CHD8: variants seen among roughly 807,000 people sequenced by gnomAD.
The protein encoded by CHD8 is chromodomain helicase DNA binding protein 8, also known as ATP-dependent chromatin remodeler CHD8.
A neutral mutation model predicts 279.2 loss-of-function variants in CHD8; 31 were observed. That is an observed-to-expected ratio of 0.11 (90% CI 0.08 to 0.15). The LOEUF (loss-of-function observed/expected upper bound fraction) is 0.15. Among genes scored for constraint, CHD8 ranks in the 10% least tolerant of loss-of-function variants. The probability of loss-of-function intolerance (pLI) is 1.00; values close to 1 mark genes in which losing one functional copy is unlikely to be tolerated. For missense variants in CHD8, 2,146 were observed against 3,230.5 expected, an observed-to-expected ratio of 0.66 and a Z score of 8.14; for synonymous variants, 1,081 against 1,139.6, an observed-to-expected ratio of 0.95 and a Z score of 1.04.
At chr14:21,409,799 A>T (rs1888408532) in intron 11 of CHD8, 52 bp downstream of exon 11, 2 of 1,528,196 alleles carry the variant, frequency 1.3e-6, no homozygotes, top group Admixed American at 2.2e-5. Flanking sequence ...TAGGGGAAAA[A>T]ATTTAATCAT....
intron 28 of CHD8, 181 bp downstream of exon 28, chr14:21,395,636 C>T (rs1887748786): frequency 6.7e-6 from 4 of 600,756 alleles, no homozygotes; most frequent in Non-Finnish European, 1.2e-5. Flanking sequence ...AAAGTTATCC[C>T]TGATCTCCCC....
intron 37 of CHD8, among the ~76,000 whole-genome samples, chr14:21,386,614 A>G (rs561324668): frequency 1.3e-5 from 2 of 151,540 alleles, no homozygotes; most frequent in East Asian, 1.9e-4. Flanking sequence ...GAGGCGGGGG[A>G]ATCACAAGGT....
At chr14:21,452,705 G>A (rs1890285575) in intron 1 of CHD8, among the ~76,000 whole-genome samples, 1 of 151,876 alleles carries the variant, frequency 6.6e-6, no homozygotes. Context: ...ACAACTGTCA[G>A]CCGGGCGCAG....
chr14:21,443,729 G>C (rs536762568), intron 1 of CHD8, among the ~76,000 whole-genome samples: 1 of 150,176 alleles, frequency 6.7e-6, no homozygotes, highest in East Asian at 2.0e-4. Context: ...GGTGGTGGGC[G>C]CCTGTATTCC....
At chr14:21,418,648 C>T (rs771599116) in intron 5 of CHD8, among the ~76,000 whole-genome samples, 132 of 152,024 alleles carry the variant, frequency 8.7e-4, no homozygotes, top group Admixed American at 1.4e-3. Context: ...ACCCCGTCTC[C>T]ACTAAAAATA....
intron 1 of CHD8, among the ~76,000 whole-genome samples, chr14:21,442,441 G>A (rs933693312): frequency 1.3e-5 from 2 of 151,586 alleles, no homozygotes; most frequent in African/African-American, 4.9e-5. Context: ...CTTTAGCCTG[G>A]GCAATAGAGT....
intron 27 of CHD8, chr14:21,397,530 G>C (rs1221474043): frequency 5.2e-6 from 2 of 383,850 alleles, no homozygotes; most frequent in Non-Finnish European, 1.0e-5. Context: ...TATCTTTCAA[G>C]AGACCAGTTA....
chr14:21,454,179 A>C (rs1890326740), intron 1 of CHD8, among the ~76,000 whole-genome samples: 1 of 133,588 alleles, frequency 7.5e-6, no homozygotes, highest in Admixed American at 7.1e-5. Context: ...AAAGAAAAGA[A>C]AAGAAAAGAA....
In CHD8 at chr14:21,391,449, G is replaced by A. The variant is rs1207546079; in HGVS notation, c.7065+14C>T. 1 of 1,611,446 alleles carries A rather than the reference G, an allele frequency of 6.2e-7. No homozygotes were observed. The highest frequency in any genetic ancestry group is 1.3e-5 in the African/African-American group (1 of 74,832). On this transcript the variant is annotated intron_variant, in intron 36 of 37. Transcript: ENST00000646647. ...GAATGACTTTAAATCTTGCTGGATG[G>A]GACTGCCACTCACCGCTAGAAATCG...
chr14:21,394,705 A>G lies in CHD8; in HGVS notation c.5390+207T>C, dbSNP rs1594332600. The G allele has an allele frequency of 1.2e-5, 8 of 640,816 alleles. No homozygotes were observed. In the East Asian group the frequency reaches 1.6e-4, roughly 13 times the overall value. 39.7% of individuals were successfully genotyped at this position (640,816 alleles called of 1,614,324 possible). A position where few individuals can be genotyped will look rare whatever the true frequency, so the allele number is the denominator to read the frequency against. On this transcript the variant is annotated intron_variant, in intron 30 of 37. Coordinates refer to ENST00000646647, the MANE Select transcript of CHD8 (RefSeq NM_001170629.2). ...GGGGGAAAAGACACAGACAAATATC[A>G]ATGAAAATGTCTACACAGGAGACCT...
Position 21,408,966 on chromosome 14 carries a change from T to C in CHD8, c.2365-141A>G, listed in dbSNP as rs1045524279. On this transcript the variant is annotated intron_variant, in intron 11 of 37. Coordinates refer to ENST00000646647, the MANE Select transcript of CHD8 (RefSeq NM_001170629.2). This position sits in a 1 kb window ranked among gnomAD's most constrained non-coding sequence, Gnocchi z 4.3. ...TGTCAAATATATTTAAATTTATGAGTTCATAACGTTACTTTATGGGTCCAT... is the reference window on the plus strand; with the variant it reads ...TGTCAAATATATTTAAATTTATGAGCTCATAACGTTACTTTATGGGTCCAT... 10 of 906,076 alleles carry C rather than the reference T, an allele frequency of 1.1e-5. No homozygotes were observed. In the African/African-American group the frequency reaches 1.7e-4, roughly 15 times the overall value. 56.1% of individuals were successfully genotyped at this position (906,076 alleles called of 1,614,324 possible). A position where few individuals can be genotyped will look rare whatever the true frequency, so the allele number is the denominator to read the frequency against.
chr14:21,418,395 C>A (rs761336785), intron 5 of CHD8, among the ~76,000 whole-genome samples: 2 of 152,024 alleles, frequency 1.3e-5, no homozygotes, highest in Non-Finnish European at 2.9e-5. Flanking sequence ...TGGCGTGCAC[C>A]TGTAATCCTA....
chr14:21,395,189 C>T (rs1887723308), intron 29 of CHD8, 70 bp from the exon 30 acceptor site: 5 of 1,544,668 alleles, frequency 3.2e-6, no homozygotes, highest in African/African-American at 2.7e-5. Context: ...GTATTTTAAC[C>T]CACCCAAAGG....
intron 37 of CHD8, among the ~76,000 whole-genome samples, chr14:21,387,809 C>CAAA (rs34063784): frequency 2.9e-4 from 22 of 76,130 alleles, no homozygotes; most frequent in African/African-American, 8.7e-4. Flanking sequence ...CTGTCTCAAG[C>CAAA]AAAAAAAAAA....
At chr14:21,452,474 T>C (rs1422359628) in intron 1 of CHD8, among the ~76,000 whole-genome samples, 11 of 151,720 alleles carry the variant, frequency 7.3e-5, no homozygotes. Context: ...TGAAACCCTG[T>C]CTCTGCTAAA....
In CHD8 at chr14:21,402,042, C is replaced by T. The variant is rs1455284686; in HGVS notation, c.3977G>A (p.Cys1326Tyr). 1 of 1,613,676 alleles carries T rather than the reference C, an allele frequency of 6.2e-7. No individual in the cohort carries two copies. Among genetic ancestry groups the T allele is most frequent in the East Asian group, 2.2e-5 (1 of 44,884 alleles). ...MEEDDEGSKF[C>Y]EEDIDQILLR... ...CAAGATCTGGTCAATGTCCTCTTCA[C>T]AAAACTTGGAGCCTTCATCATCTTC... The change falls in exon 20 of 38, where the codon TGT (cysteine) becomes TAT (tyrosine). Residue 1326 changes from cysteine (C) to tyrosine (Y), a missense_variant. Transcript: ENST00000646647. The surrounding 1 kb of genome is among the most constrained non-coding windows in gnomAD (Gnocchi z 4.5).
chr14:21,392,926 A>G, intron 33 of CHD8, 117 bp from the exon 34 acceptor site: 3 of 1,262,246 alleles, frequency 2.4e-6, no homozygotes, highest in Non-Finnish European at 3.3e-6. Flanking sequence ...GGCAGAAAAG[A>G]GGAAGTTAAT....
rs746688339 is a variant in CHD8 at position 21,391,497 on chromosome 14, T to C, written c.7031A>G (p.His2344Arg). The stretch of plus-strand genomic sequence containing the variant: ...TCGGGGATCAACAGCAAACTCTGGA[T>C]GACCCTGTAACCACATCTCCAGTTC... ...RAELEMWLQG[H>R]PEFAVDPRFL... Residue 2344 changes from histidine to arginine, a missense_variant, in exon 36 of 38, where the codon CAT becomes CGT. His to Arg is a conservative substitution (Grantham distance 29). Coordinates refer to ENST00000646647, the MANE Select transcript of CHD8 (RefSeq NM_001170629.2). 1 of 1,613,932 alleles carries C rather than the reference T, an allele frequency of 6.2e-7. No homozygotes were observed. Among genetic ancestry groups the C allele is most frequent in the Non-Finnish European group, 8.5e-7 (1 of 1,179,852 alleles).
chr14:21,408,833 AC>A lies in CHD8; in HGVS notation c.2365-9del. The A allele has an allele frequency of 6.2e-7, 1 of 1,603,040 alleles. No homozygotes were observed. The highest frequency in any genetic ancestry group is 8.5e-7 in the Non-Finnish European group (1 of 1,174,314). On this transcript the variant is annotated splice_polypyrimidine_tract_variant and intron_variant, in intron 11 of 37. Coordinates refer to ENST00000646647, the MANE Select transcript of CHD8 (RefSeq NM_001170629.2). The surrounding 1 kb of genome is among the most constrained non-coding windows in gnomAD (Gnocchi z 4.3). Reference sequence around the variant, plus strand: ...ACTTGCCTGCGGACGATTCTAAAAAACAAGACGTTTGAATAAATGGAGTGGA... The same window carrying A: ...ACTTGCCTGCGGACGATTCTAAAAAAAAGACGTTTGAATAAATGGAGTGGA...
Sources: gnomAD v4.1 joint callset for allele counts (sites outside exome capture counted in the v4.1 genomes callset) on GRCh38, gnomAD v4.1.1 for gene constraint, Gnocchi (gnomAD v3.1) non-coding constraint, MANE v1.5 for transcripts, NCBI Gene and HGNC (gene_info 2026-07-23, HGNC 2026-07-21) for gene names.